USP9X: variants seen among roughly 807,000 people sequenced by gnomAD.
USP9X encodes the protein ubiquitin carboxyl-terminal hydrolase 9X.
In USP9X, 7 loss-of-function variants were observed where a neutral mutation model predicts 190.3. The ratio of observed to expected loss-of-function variants is 0.04; its 90% CI spans 0.02 to 0.07. The LOEUF (loss-of-function observed/expected upper bound fraction) is 0.07, where lower values mean the gene tolerates loss of function less well. Among genes scored for constraint, USP9X ranks in the 10% least tolerant of loss-of-function variants. USP9X has a pLI of 1.00. For synonymous variants in USP9X, 645 were observed against 659.5 expected (o/e 0.98, Z 0.34); for missense variants, 1,010 against 1,916.9 (o/e 0.53, Z 8.83).
At position 41,232,401 on chromosome X, in the gene USP9X, T is replaced by G; in HGVS notation, c.7542T>G (p.His2514Gln). The change falls in exon 45 of 45, where the codon CAT becomes CAG. Residue 2514 changes from histidine to glutamine, a missense_variant. By Grantham distance (24) the His-to-Gln change is conservative (BLOSUM62 0). Around this residue, in one of 11 missense-constraint regions of USP9X, gnomAD observed 48 missense variants for 60.4 expected, o/e 0.79. Coordinates refer to ENST00000378308, the MANE Select transcript of USP9X (RefSeq NM_001039591.3). Reference protein sequence around the residue: ...GSQYQQNNHVHGQPYTGPAAH... With the variant: ...GSQYQQNNHVQGQPYTGPAAH... ...TCCTTTCCCAGAATAACCATGTGCA[T>G]GGACAGCCATATACAGGCCCAGCAG... 1 of 1,206,862 alleles carries G rather than the reference T, an allele frequency of 8.3e-7. No individual in the cohort carries two copies. The highest frequency in any genetic ancestry group is 1.1e-6 in the Non-Finnish European group (1 of 893,116).
intron 21 of USP9X, among the ~76,000 whole-genome samples, chrX:41,181,272 C>CTTTTTTTTT (rs769952292): frequency 2.7e-5 from 2 of 75,418 alleles, no homozygotes; most frequent in Non-Finnish European, 5.0e-5. Flanking sequence ...TTTCTCATTT[C>CTTTTTTTTT]TTTTTTTTTT....
chrX:41,231,535 C>T (rs1427872341), intron 44 of USP9X, among the ~76,000 whole-genome samples: 1 of 110,275 alleles, frequency 9.1e-6, no homozygotes, highest in African/African-American at 3.3e-5. Flanking sequence ...TGAGACCAGC[C>T]TGACCAACAT....
At chrX:41,227,378 T>C (rs140165159) in intron 41 of USP9X, among the ~76,000 whole-genome samples, 5 of 112,061 alleles carry the variant, frequency 4.5e-5, no homozygotes, top group East Asian at 5.6e-4. Context: ...AATTTATATG[T>C]AGTGTTTCAG....
intron 32 of USP9X, among the ~76,000 whole-genome samples, chrX:41,210,049 A>C (rs1370428498): frequency 1.8e-5 from 2 of 112,228 alleles, no homozygotes; most frequent in Non-Finnish European, 3.8e-5. Context: ...AATAAATTTA[A>C]GAGTAACTAG....
intron 3 of USP9X, among the ~76,000 whole-genome samples, chrX:41,129,532 A>C (rs1444688385): frequency 8.9e-6 from 1 of 111,994 alleles, no homozygotes; most frequent in Non-Finnish European, 1.9e-5. Flanking sequence ...TAACCATCCT[A>C]GATGTTTCCT....
At chrX:41,146,108 A>T (rs557875024) in intron 11 of USP9X, among the ~76,000 whole-genome samples, 25 of 112,031 alleles carry the variant, frequency 2.2e-4, no homozygotes, top group African/African-American at 7.5e-4. Flanking sequence ...AAATGATGAT[A>T]CGTGACCAGT....
At chrX:41,117,187 T>G (rs891187952) in intron 1 of USP9X, among the ~76,000 whole-genome samples, 8 of 111,852 alleles carry the variant, frequency 7.2e-5, no homozygotes, top group Non-Finnish European at 1.3e-4. Context: ...GAGTGTCCTG[T>G]CATAAGCAGA....
intron 12 of USP9X, among the ~76,000 whole-genome samples, chrX:41,150,013 A>G (rs2062508979): frequency 9.0e-6 from 1 of 111,425 alleles, no homozygotes; most frequent in Admixed American, 9.5e-5. Context: ...GCTGTGAATA[A>G]TTACTAATAG....
At chrX:41,097,917 A>T (rs2062004184) in intron 1 of USP9X, among the ~76,000 whole-genome samples, 1 of 111,740 alleles carries the variant, frequency 8.9e-6, no homozygotes, top group Admixed American at 9.6e-5. Flanking sequence ...AGAAGATGTG[A>T]TGTTATCTTT....
intron 2 of USP9X, among the ~76,000 whole-genome samples, chrX:41,128,532 C>T (rs2062276597): frequency 1.8e-5 from 2 of 111,948 alleles, no homozygotes. Context: ...ATTATTTTAT[C>T]TTTTGTAAAA....
chrX:41,130,518 C>T (rs1295673692), intron 3 of USP9X, among the ~76,000 whole-genome samples: 1 of 97,225 alleles, frequency 1.0e-5, no homozygotes, highest in Non-Finnish European at 2.0e-5. Flanking sequence ...GAGATGGAGT[C>T]TCGCTCTGTC....
chrX:41,106,489 C>T (rs2062069673), intron 1 of USP9X, among the ~76,000 whole-genome samples: 3 of 106,337 alleles, frequency 2.8e-5, no homozygotes, highest in Admixed American at 1.0e-4. Context: ...CATGCTCCTC[C>T]GGTTGTCATA....
chrX:41,125,712 T>TCGCG (rs1393312237), intron 2 of USP9X, among the ~76,000 whole-genome samples: 1 of 102,083 alleles, frequency 9.8e-6, no homozygotes, highest in African/African-American at 3.7e-5. Flanking sequence ...TCTCTCTCTC[T>TCGCG]CTCTCTCGCG....
chrX:41,123,014 G>A (rs969679569), intron 1 of USP9X, among the ~76,000 whole-genome samples: 3 of 111,067 alleles, frequency 2.7e-5, no homozygotes, highest in Non-Finnish European at 3.8e-5. Flanking sequence ...ATAGGGGTGC[G>A]TGGCAGGCCA....
chrX:41,210,466 G>A, intron 32 of USP9X, 43 bp from the exon 33 acceptor site: 1 of 1,174,708 alleles, frequency 8.5e-7, no homozygotes, highest in Non-Finnish European at 1.2e-6. Flanking sequence ...ATATTGTTCT[G>A]TGAATGTTAC....
chrX:41,202,868 A>G (rs933711699), intron 31 of USP9X, among the ~76,000 whole-genome samples: 1 of 111,903 alleles, frequency 8.9e-6, no homozygotes, highest in Admixed American at 9.5e-5. Context: ...AAGGTGTACC[A>G]CTTTTACTCT....
chrX:41,233,674 G>A lies in USP9X; in HGVS notation c.*1150G>A, dbSNP rs1004211057. ...ACAATTTTACTTGAAAGCAAGAATT[G>A]TCCTAGCTCCTTTTCCATTATTCCA... On this transcript the variant is annotated 3_prime_UTR_variant, in exon 45 of 45. Transcript: ENST00000378308. The A allele has an allele frequency of 1.8e-5, 2 of 112,164 alleles. No individual in the cohort carries two copies. The highest frequency in any genetic ancestry group is 6.5e-5 in the African/African-American group (2 of 30,775). 9.2% of individuals were successfully genotyped at this position (112,164 alleles called of 1,213,427 possible).
chrX:41,235,667 G>A lies in USP9X; in HGVS notation c.*3143G>A, dbSNP rs1471538108. 1 of 111,893 alleles carries A rather than the reference G, an allele frequency of 8.9e-6. No homozygotes were observed. The highest frequency in any genetic ancestry group is 3.3e-5 in the African/African-American group (1 of 30,742). 9.2% of individuals were successfully genotyped at this position (111,893 alleles called of 1,213,427 possible). A position where few individuals can be genotyped will look rare whatever the true frequency, so the allele number is the denominator to read the frequency against. On this transcript the variant is annotated 3_prime_UTR_variant, in exon 45 of 45. Transcript: ENST00000378308. ...AGCCCTCCACCAACTGAACTTTCAT[G>A]TTTAGCATTGTAGAGGCAGAAATAA...
chrX:41,222,635 G>A (rs1373192153), intron 38 of USP9X, among the ~76,000 whole-genome samples: 2 of 111,255 alleles, frequency 1.8e-5, no homozygotes. Flanking sequence ...GAAAGTGTTC[G>A]TCTTCTGGTC....
Sources: allele counts gnomAD v4.1 joint callset (sites outside exome capture counted in the v4.1 genomes callset), GRCh38; gene constraint gnomAD v4.1.1; regional missense constraint gnomAD v4.1.1; transcripts MANE v1.5; gene names NCBI Gene and HGNC (gene_info 2026-07-23, HGNC 2026-07-21).